Variants in CMTM8 observed in about 807,000 individuals in gnomAD.
The protein encoded by CMTM8 is CKLF-like MARVEL transmembrane domain-containing protein 8.
CMTM8 carries 12 observed loss-of-function variants against 18.6 expected under a neutral mutation model. The ratio of observed to expected loss-of-function variants is 0.65; its 90% CI spans 0.41 to 1.05. The LOEUF (loss-of-function observed/expected upper bound fraction) is 1.05. Among genes scored for constraint, CMTM8 ranks in the 50% least tolerant of loss-of-function variants. CMTM8 has a pLI of 0.00. For synonymous variants in CMTM8, 87 were observed against 90.6 expected (o/e 0.96, Z 0.23); for missense variants, 217 against 227.2 (o/e 0.95, Z 0.29).
At chr3:32,334,587 C>T (rs1180451649) in intron 1 of CMTM8, among the ~76,000 whole-genome samples, 1 of 150,658 alleles carries the variant, frequency 6.6e-6, no homozygotes, top group East Asian at 2.0e-4. Flanking sequence ...GCCTGGGCGA[C>T]AGAGCAAGAC....
chr3:32,352,551 G>A (rs1480308152), intron 1 of CMTM8, among the ~76,000 whole-genome samples: 1 of 152,136 alleles, frequency 6.6e-6, no homozygotes, highest in Non-Finnish European at 1.5e-5. Flanking sequence ...AACTACCTTC[G>A]GTATTGCAGA....
At chr3:32,264,190 C>G (rs1702298752) in intron 1 of CMTM8, among the ~76,000 whole-genome samples, 1 of 152,176 alleles carries the variant, frequency 6.6e-6, no homozygotes, top group Non-Finnish European at 1.5e-5. Flanking sequence ...ATGTTAAGGG[C>G]AGCCAGAGAG....
intron 1 of CMTM8, among the ~76,000 whole-genome samples, chr3:32,311,006 C>T (rs1695809542): frequency 1.3e-5 from 2 of 152,112 alleles, no homozygotes; most frequent in South Asian, 4.1e-4. Context: ...GCATAGCCAA[C>T]AATACTGCAC....
At chr3:32,329,134 G>A (rs541374944) in intron 1 of CMTM8, among the ~76,000 whole-genome samples, 2 of 152,218 alleles carry the variant, frequency 1.3e-5, no homozygotes, top group East Asian at 3.9e-4. Context: ...GTGCAGTGGT[G>A]CAATCACTGC....
chr3:32,241,112 G>T (rs1483698454), intron 1 of CMTM8, among the ~76,000 whole-genome samples: 4 of 152,036 alleles, frequency 2.6e-5, no homozygotes, highest in Non-Finnish European at 5.9e-5. Flanking sequence ...TAAAGATTCG[G>T]TCCTACAGGC....
intron 1 of CMTM8, among the ~76,000 whole-genome samples, chr3:32,346,014 C>T (rs1187530858): frequency 6.6e-6 from 1 of 152,114 alleles, no homozygotes; most frequent in East Asian, 1.9e-4. Context: ...ATTAGCTGGG[C>T]GTGGTGGCTC....
intron 1 of CMTM8, among the ~76,000 whole-genome samples, chr3:32,256,455 A>G (rs1005654311): frequency 1.3e-5 from 2 of 152,060 alleles, no homozygotes; most frequent in South Asian, 2.1e-4. Context: ...GACCTTGTCC[A>G]TTCATGAATG....
chr3:32,320,263 G>A (rs926159419), intron 1 of CMTM8, among the ~76,000 whole-genome samples: 1 of 152,106 alleles, frequency 6.6e-6, no homozygotes, highest in African/African-American at 2.4e-5. Flanking sequence ...AACAAAACGT[G>A]GTATACCAAA....
chr3:32,366,429 G>A (rs774457141), intron 2 of CMTM8, among the ~76,000 whole-genome samples: 5 of 152,272 alleles, frequency 3.3e-5, no homozygotes, highest in Middle Eastern at 3.4e-3. Flanking sequence ...GGCCCAGGAC[G>A]TCAGGGCAGT....
intron 1 of CMTM8, among the ~76,000 whole-genome samples, chr3:32,282,144 A>C (rs1178653396): frequency 6.6e-6 from 1 of 152,216 alleles, no homozygotes; most frequent in East Asian, 1.9e-4. Flanking sequence ...ACTCAGGCTA[A>C]GTATCAGTTT....
rs1448657605 is a variant in CMTM8, at chr3:32,369,994, A to G, written c.*27A>G. Reference sequence around the variant, plus strand: ...TTACCATTTTGATAATTAAAAGGAAAAAAAAAGGAAGACTCTCACTGTAAA... The same window carrying G: ...TTACCATTTTGATAATTAAAAGGAAGAAAAAAGGAAGACTCTCACTGTAAA... On this transcript the variant is annotated 3_prime_UTR_variant, in exon 4 of 4. Coordinates refer to ENST00000307526, the MANE Select transcript of CMTM8 (RefSeq NM_178868.5). The G allele has an allele frequency of 2.2e-6, 3 of 1,390,968 alleles. No individual in the cohort carries two copies. The highest frequency in any genetic ancestry group is 1.3e-5 in the South Asian group (1 of 77,340). The allele number at this position is 1,390,968 out of a possible 1,614,324, so 86.2% of individuals were successfully genotyped here. A position where few individuals can be genotyped will look rare whatever the true frequency, so the allele number is the denominator to read the frequency against.
Position 32,284,116 on chromosome 3 carries a change from G to C in CMTM8, c.147+44997G>C, listed in dbSNP as rs575871431. ...AAAGTACAAAAAATCAGCTGGGTGT[G>C]GTGGCACATGCCTGTAGTCCCAGCT... On this transcript the variant is annotated intron_variant, in intron 1 of 3. Coordinates refer to ENST00000307526, the MANE Select transcript of CMTM8 (RefSeq NM_178868.5). Among the ~76,000 whole-genome samples the C allele has an allele frequency of 1.1e-4, 17 of 152,314 alleles. No homozygotes were observed. The East Asian group carries it at 3.1e-3, about 28-fold the overall frequency.
intron 1 of CMTM8, among the ~76,000 whole-genome samples, chr3:32,306,817 G>A (rs76655478): frequency 0.037 from 5,696 of 152,262 alleles, 129 homozygotes; most frequent in South Asian, 0.1. Context: ...CTTGGCAATA[G>A]TGTGAGGGTT....
intron 1 of CMTM8, among the ~76,000 whole-genome samples, chr3:32,266,683 A>G (rs945200375): frequency 2.0e-5 from 3 of 152,236 alleles, no homozygotes; most frequent in African/African-American, 7.2e-5. Flanking sequence ...TGCAGATGAC[A>G]TGATTGTATA....
intron 1 of CMTM8, among the ~76,000 whole-genome samples, chr3:32,280,846 CAAA>C (rs60845487): frequency 3.1e-4 from 21 of 68,136 alleles, no homozygotes; most frequent in African/African-American, 1.2e-3. Context: ...AGAAAATAGG[CAAA>C]AAAAAAAAAA....
chr3:32,334,170 G>T (rs1333911391), intron 1 of CMTM8, among the ~76,000 whole-genome samples: 1 of 151,510 alleles, frequency 6.6e-6, no homozygotes, highest in Non-Finnish European at 1.5e-5. Flanking sequence ...TAGAGATGGG[G>T]TTTCACCATC....
At chr3:32,275,525 C>A (rs1415450615) in intron 1 of CMTM8, among the ~76,000 whole-genome samples, 4 of 152,102 alleles carry the variant, frequency 2.6e-5, no homozygotes, top group Non-Finnish European at 4.4e-5. Context: ...GAACTCATAA[C>A]CCTTGTTCTG....
intron 1 of CMTM8, among the ~76,000 whole-genome samples, chr3:32,319,774 A>G (rs1215604553): frequency 6.6e-6 from 1 of 152,242 alleles, no homozygotes; most frequent in Non-Finnish European, 1.5e-5. Context: ...ATATTTGTGC[A>G]AACTGGTGCT....
chr3:32,336,126 G>A (rs1696380664), intron 1 of CMTM8, among the ~76,000 whole-genome samples: 1 of 152,216 alleles, frequency 6.6e-6, no homozygotes, highest in Admixed American at 6.5e-5. Flanking sequence ...CATTTCTTTT[G>A]AGATTGACAT....
Sources: allele counts gnomAD v4.1 joint callset (sites outside exome capture counted in the v4.1 genomes callset), GRCh38; gene constraint gnomAD v4.1.1; transcripts MANE v1.5; gene names NCBI Gene and HGNC (gene_info 2026-07-23, HGNC 2026-07-21).